AP1S3: variants seen among roughly 807,000 people sequenced by gnomAD.
AP1S3 encodes adaptor related protein complex 1 subunit sigma 3.
Under a neutral mutation model 20.9 loss-of-function variants are expected in AP1S3, and 10 were observed. The ratio of observed to expected loss-of-function variants is 0.48; its 90% CI spans 0.29 to 0.81. The LOEUF (loss-of-function observed/expected upper bound fraction) is 0.81. Ranked by LOEUF, AP1S3 falls within the 30% of genes least tolerant of loss-of-function variation. The pLI, the probability that AP1S3 is intolerant of heterozygous loss-of-function variation, is 0.08. For missense variants in AP1S3, 154 were observed against 183.8 expected (o/e 0.84, Z 0.94); for synonymous variants, 41 against 61.5 (o/e 0.67, Z 1.56).
At chr2:223,828,058 T>TAAAAAAAAAAAAAAAAA in intron 1 of AP1S3, among the ~76,000 whole-genome samples, 1 of 94,668 alleles carries the variant, frequency 1.1e-5, no homozygotes, top group South Asian at 3.3e-4. Flanking sequence ...AGACTTCATC[T>TAAAAAAAAAAAAAAAAA]AAAAAAAAAA....
Position 223,758,683 on chromosome 2 carries a change from T to C in AP1S3, c.*32A>G. On this transcript the variant is annotated 3_prime_UTR_variant, in exon 5 of 5. Coordinates refer to ENST00000396654, the MANE Select transcript of AP1S3 (RefSeq NM_001039569.2). ...GTTGCTTATTTACAGCTTCATAACA[T>C]GTAGTGCTGGAGTCTTCAAGTAGAT... 6.3e-7 allele frequency: 1 copy of C among 1,581,302 alleles called. No homozygotes were observed. The highest frequency in any genetic ancestry group is 8.6e-7 in the Non-Finnish European group (1 of 1,165,062).
At chr2:223,780,748 C>A (rs1690926888) in intron 1 of AP1S3, among the ~76,000 whole-genome samples, 1 of 116,088 alleles carries the variant, frequency 8.6e-6, no homozygotes, top group African/African-American at 2.8e-5. Flanking sequence ...CTTAATAGTT[C>A]ATCTTTTTTT....
chr2:223,770,726 C>CTTTTTTTTTTTTT (rs1194728092), intron 3 of AP1S3, among the ~76,000 whole-genome samples: 1 of 76,630 alleles, frequency 1.3e-5, no homozygotes, highest in Non-Finnish European at 2.1e-5. Context: ...TAGACCAGTT[C>CTTTTTTTTTTTTT]ATTTTTTTTT....
chr2:223,772,782 G>GAAA (rs1199828317), intron 3 of AP1S3, among the ~76,000 whole-genome samples: 1 of 152,080 alleles, frequency 6.6e-6, no homozygotes, highest in Admixed American at 6.6e-5. Context: ...TTATATAAGG[G>GAAA]CAGAATTCAA....
chr2:223,758,862 C>G (rs1690285636), intron 4 of AP1S3, 112 bp from the exon 5 acceptor site: 1 of 886,106 alleles, frequency 1.1e-6, no homozygotes. Flanking sequence ...AACAAGTTGT[C>G]AAAAGGATAC....
intron 1 of AP1S3, among the ~76,000 whole-genome samples, chr2:223,825,377 C>T (rs1488753336): frequency 6.6e-6 from 1 of 151,938 alleles, no homozygotes; most frequent in Non-Finnish European, 1.5e-5. Context: ...TCCAGCACTT[C>T]TATTTCCTTA....
rs938629770 is a variant in AP1S3, at chr2:223,832,195, A to G, written c.3+5253T>C. 3.7e-5 allele frequency among the ~76,000 whole-genome samples: 5 copies of G among 136,648 alleles called. No homozygotes were observed. In the Admixed American group the frequency reaches 3.8e-4, roughly 10 times the overall value. 89.6% of individuals were successfully genotyped at this position (136,648 alleles called of 152,430 possible). On this transcript the variant is annotated intron_variant, in intron 1 of 4. Coordinates refer to ENST00000396654, the MANE Select transcript of AP1S3 (RefSeq NM_001039569.2). Reference sequence around the variant, plus strand: ...TGTGTGTGTGTGTGTTGGAAAGGGGAGTAATTTTATCATTATGTCTTAAAA... The same window carrying G: ...TGTGTGTGTGTGTGTTGGAAAGGGGGGTAATTTTATCATTATGTCTTAAAA...
intron 1 of AP1S3, among the ~76,000 whole-genome samples, chr2:223,831,602 G>C (rs1692258688): frequency 6.6e-6 from 1 of 152,204 alleles, no homozygotes; most frequent in African/African-American, 2.4e-5. Context: ...AGGTTAAACA[G>C]AGAAAGTATC....
rs147110416 is a variant in AP1S3, at chr2:223,805,439, T to C, written c.4-27570A>G. Among the ~76,000 whole-genome samples the C allele has an allele frequency of 1.6e-3, 245 of 151,950 alleles. 2 individuals are homozygous for C. The highest frequency in any genetic ancestry group is 2.6e-3 in the Non-Finnish European group (180 of 67,960). On this transcript the variant is annotated intron_variant, in intron 1 of 4. Transcript: ENST00000396654. ...GCCTGGTGACAGAAGCGAAACTCCA[T>C]CTCAAAAAAAAAATTGTTATGTACA...
At chr2:223,828,547 TA>T (rs1036795023) in intron 1 of AP1S3, among the ~76,000 whole-genome samples, 1 of 152,134 alleles carries the variant, frequency 6.6e-6, no homozygotes, top group Non-Finnish European at 1.5e-5. Context: ...TCCCAGGAAA[TA>T]AAACTGAGAT....
intron 1 of AP1S3, among the ~76,000 whole-genome samples, chr2:223,835,433 GATCA>G (rs1260806217): frequency 6.6e-6 from 1 of 152,212 alleles, no homozygotes; most frequent in African/African-American, 2.4e-5. Flanking sequence ...GATGCAGGTG[GATCA>G]CGAGGTCAGG....
intron 1 of AP1S3, among the ~76,000 whole-genome samples, chr2:223,786,399 T>C (rs991932772): frequency 5.9e-5 from 9 of 152,176 alleles, no homozygotes; most frequent in Non-Finnish European, 8.8e-5. Flanking sequence ...AACTAGAGCA[T>C]TGTTTTTACA....
At position 223,755,665 on chromosome 2, in the gene AP1S3, G is replaced by A. The variant is rs901815742; in HGVS notation, c.*3050C>T. The A allele has an allele frequency of 5.7e-6, 1 of 175,384 alleles. No homozygotes were observed. Among genetic ancestry groups the A allele is most frequent in the Non-Finnish European group, 1.1e-5 (1 of 89,610 alleles). 10.9% of individuals were successfully genotyped at this position (175,384 alleles called of 1,614,324 possible). On this transcript the variant is annotated 3_prime_UTR_variant, in exon 5 of 5. Transcript: ENST00000396654. ...CCTGCCTCAGCCTCCTGAGTAGCTG[G>A]CACTACAAGCATGTGCCACCACACT...
At chr2:223,775,254 T>C (rs1241506108) in intron 3 of AP1S3, among the ~76,000 whole-genome samples, 1 of 152,116 alleles carries the variant, frequency 6.6e-6, no homozygotes, top group Non-Finnish European at 1.5e-5. Context: ...GCACCTAGCA[T>C]AGTACATCAC....
intron 1 of AP1S3, among the ~76,000 whole-genome samples, chr2:223,822,077 T>C (rs1477356745): frequency 2.6e-5 from 4 of 152,118 alleles, no homozygotes; most frequent in African/African-American, 7.2e-5. Flanking sequence ...CTAATGGTGA[T>C]TGTCTCAAGC....
chr2:223,837,514 G>T lies in AP1S3; in HGVS notation c.-64C>A. On this transcript the variant is annotated 5_prime_UTR_variant, in exon 1 of 5. Transcript: ENST00000396654. ...GAGCGCTGGAGAAGCGAGGGCGAGA[G>T]GCGAGCGCTGGAGCCGGTGCGGCTG... The T allele has an allele frequency of 8.5e-7, 1 of 1,172,406 alleles. No homozygotes were observed. Among genetic ancestry groups the T allele is most frequent in the Non-Finnish European group, 1.1e-6 (1 of 924,330 alleles). The allele number at this position is 1,172,406 out of a possible 1,614,324, so 72.6% of individuals were successfully genotyped here.
chr2:223,812,727 T>C (rs950370559), intron 1 of AP1S3, among the ~76,000 whole-genome samples: 1 of 152,168 alleles, frequency 6.6e-6, no homozygotes, highest in South Asian at 2.1e-4. Flanking sequence ...TATTCAGGGA[T>C]TCCATAAAGC....
intron 1 of AP1S3, among the ~76,000 whole-genome samples, chr2:223,801,984 T>C (rs768312854): frequency 1.7e-4 from 26 of 152,226 alleles, no homozygotes; most frequent in Admixed American, 3.9e-4. Flanking sequence ...GTTTTTGAAC[T>C]GTCAACATTT....
At position 223,758,299 on chromosome 2, in the gene AP1S3, C is replaced by T. The variant is rs1690272653; in HGVS notation, c.*416G>A. Reference sequence around the variant, plus strand: ...TTATTATACAATTTAGAAAACTAAACATTTAGAAAAAGTATTAATGACATC... The same window carrying T: ...TTATTATACAATTTAGAAAACTAAATATTTAGAAAAAGTATTAATGACATC... On this transcript the variant is annotated 3_prime_UTR_variant, in exon 5 of 5. Transcript: ENST00000396654. 6.1e-6 allele frequency: 6 copies of T among 976,776 alleles called. No homozygotes were observed. The highest frequency in any genetic ancestry group is 7.3e-6 in the Non-Finnish European group (6 of 821,192). The allele number at this position is 976,776 out of a possible 1,614,324, so 60.5% of individuals were successfully genotyped here. A position where few individuals can be genotyped will look rare whatever the true frequency, so the allele number is the denominator to read the frequency against.
Sources: allele counts gnomAD v4.1 joint callset (sites outside exome capture counted in the v4.1 genomes callset), GRCh38; gene constraint gnomAD v4.1.1; transcripts MANE v1.5; gene names NCBI Gene and HGNC (gene_info 2026-07-23, HGNC 2026-07-21).